PARN: variants seen among roughly 807,000 people sequenced by gnomAD.
The protein encoded by PARN is poly(A)-specific ribonuclease.
A neutral mutation model predicts 102.8 loss-of-function variants in PARN; 71 were observed. The observed-to-expected ratio is 0.69, with a 90% CI of 0.57 to 0.84. The LOEUF (loss-of-function observed/expected upper bound fraction) is 0.84. Ranked by LOEUF, PARN falls within the 40% of genes least tolerant of loss-of-function variation. PARN has a pLI of 0.00. For synonymous variants in PARN, 261 were observed against 252.9 expected, an observed-to-expected ratio of 1.03 and a Z score of -0.30; for missense variants, 782 against 760.9, an observed-to-expected ratio of 1.03 and a Z score of -0.33.
rs138299109 is a variant in PARN, at chr16:14,452,271, G to A, written c.1671-5190C>T. ...CTCTCCATAAACAACTGACTGCTATGCAACAGGGACTCTGCCAGATGTGCT... is the reference window on the plus strand; with the variant it reads ...CTCTCCATAAACAACTGACTGCTATACAACAGGGACTCTGCCAGATGTGCT... On this transcript the variant is annotated intron_variant, in intron 22 of 23. Transcript: ENST00000437198. Among the ~76,000 whole-genome samples the A allele has an allele frequency of 2.5e-3, 385 of 152,324 alleles. 1 individual carries two copies. The highest frequency in any genetic ancestry group is 2.4e-3 in the Non-Finnish European group (166 of 68,030).
intron 21 of PARN, among the ~76,000 whole-genome samples, chr16:14,505,520 T>C (rs1316961438): frequency 6.6e-6 from 1 of 151,964 alleles, no homozygotes; most frequent in Admixed American, 6.6e-5. Context: ...CACAAAACTG[T>C]ACAACAAATT....
In PARN at chr16:14,552,114, A is replaced by G; in HGVS notation, c.1406-19T>C. ...ATGTTACCTGCAATCGCAAATTAAA[A>G]GTAAAGTGAACATTTGACCATGTGG... On this transcript the variant is annotated intron_variant, in intron 20 of 23. Coordinates refer to ENST00000437198, the MANE Select transcript of PARN (RefSeq NM_002582.4). 6.6e-7 allele frequency: 1 copy of G among 1,521,376 alleles called. No individual in the cohort carries two copies. The highest frequency in any genetic ancestry group is 1.1e-5 in the South Asian group (1 of 88,478). The allele number at this position is 1,521,376 out of a possible 1,614,324, so 94.2% of individuals were successfully genotyped here. A position where few individuals can be genotyped will look rare whatever the true frequency, so the allele number is the denominator to read the frequency against.
chr16:14,534,770 A>C (rs1966538556), intron 21 of PARN, among the ~76,000 whole-genome samples: 1 of 152,174 alleles, frequency 6.6e-6, no homozygotes. Context: ...TCACAAGCGG[A>C]AAGGATGAAA....
At chr16:14,588,799 T>C (rs959417263) in intron 13 of PARN, among the ~76,000 whole-genome samples, 3 of 151,944 alleles carry the variant, frequency 2.0e-5, no homozygotes, top group Admixed American at 2.0e-4. Context: ...TGAGAATCAC[T>C]TGAACTTGGG....
chr16:14,598,999 C>G (rs1463702889), intron 12 of PARN, among the ~76,000 whole-genome samples: 1 of 150,770 alleles, frequency 6.6e-6, no homozygotes, highest in Non-Finnish European at 1.5e-5. Context: ...CCTAGTTTAC[C>G]TATGTAAAAT....
chr16:14,619,334 TCACACCTGTAATCC>T (rs1972137098), intron 5 of PARN, among the ~76,000 whole-genome samples: 1 of 152,128 alleles, frequency 6.6e-6, no homozygotes, highest in African/African-American at 2.4e-5. Context: ...ACATGGTGGC[TCACACCTGTAATCC>T]CAGCACTTCC....
Position 14,617,455 on chromosome 16 carries a change from T to A in PARN, c.388+135A>T, listed in dbSNP as rs1431294749. 3 of 626,114 alleles carry A rather than the reference T, an allele frequency of 4.8e-6. No homozygotes were observed. The African/African-American group carries it at 5.5e-5, about 12-fold the overall frequency. 38.8% of individuals were successfully genotyped at this position (626,114 alleles called of 1,614,324 possible). A position where few individuals can be genotyped will look rare whatever the true frequency, so the allele number is the denominator to read the frequency against. On this transcript the variant is annotated intron_variant, in intron 6 of 23. Transcript: ENST00000437198. The stretch of plus-strand genomic sequence containing the variant: ...TCTAAGGCTGCATATGTGTACTGGC[T>A]GCACATGTATGCTGGAACTCTAAGA...
At chr16:14,517,131 AT>A (rs1215928612) in intron 21 of PARN, among the ~76,000 whole-genome samples, 3 of 152,228 alleles carry the variant, frequency 2.0e-5, no homozygotes, top group African/African-American at 7.2e-5. Flanking sequence ...GGCAAAAAAA[AT>A]CCTTCCTTTT....
At chr16:14,449,550 C>T (rs902730771) in intron 22 of PARN, among the ~76,000 whole-genome samples, 7 of 152,164 alleles carry the variant, frequency 4.6e-5, no homozygotes, top group Admixed American at 2.0e-4. Flanking sequence ...CAATAAATAA[C>T]GTGAGCCAAG....
chr16:14,528,933 T>C (rs1475860337), intron 21 of PARN, among the ~76,000 whole-genome samples: 3 of 152,226 alleles, frequency 2.0e-5, no homozygotes, highest in Admixed American at 2.0e-4. Flanking sequence ...TAGGTAGAGA[T>C]CTTTCCCTGC....
Position 14,608,283 on chromosome 16 carries a change from C to T in PARN, c.657G>A (p.Trp219Ter), listed in dbSNP as rs1363931577. ...QRKLIYQTLS[W>*]KYPKGIHVET... is the part of the protein sequence containing the mutation. ...CTGCATACAATATAAATACTTACTTCCAGCTCAAAGTCTGATAAATTAGTT... is the reference window on the plus strand; with the variant it reads ...CTGCATACAATATAAATACTTACTTTCAGCTCAAAGTCTGATAAATTAGTT... The change falls in exon 9 of 24, where the codon TGG becomes TGA. Residue 219 changes from tryptophan to a stop codon, truncating the protein, a stop_gained and splice_region_variant. Transcript: ENST00000437198. LOFTEE classifies it high-confidence loss of function. 1 of 1,535,720 alleles carries T rather than the reference C, an allele frequency of 6.5e-7. No homozygotes were observed. Among genetic ancestry groups the T allele is most frequent in the Non-Finnish European group, 8.8e-7 (1 of 1,134,578 alleles).
intron 22 of PARN, among the ~76,000 whole-genome samples, chr16:14,450,099 C>A (rs991247003): frequency 1.3e-5 from 2 of 152,182 alleles, no homozygotes; most frequent in African/African-American, 4.8e-5. Flanking sequence ...CGCAACAGTA[C>A]ATACAATCAA....
intron 17 of PARN, 37 bp downstream of exon 17, chr16:14,582,144 T>C (rs1197746043): frequency 3.9e-6 from 5 of 1,269,078 alleles, no homozygotes; most frequent in African/African-American, 1.5e-5. Context: ...CCACCCTAGA[T>C]CACTGCGTGT....
At chr16:14,623,947 C>A (rs545297588) in intron 5 of PARN, among the ~76,000 whole-genome samples, 1 of 151,992 alleles carries the variant, frequency 6.6e-6, no homozygotes, top group Non-Finnish European at 1.5e-5. Context: ...AACTACAGAT[C>A]TTCAGCCTGA....
chr16:14,553,255 T>TAA (rs1567377509), intron 20 of PARN, among the ~76,000 whole-genome samples: 11 of 30,740 alleles, frequency 3.6e-4, no homozygotes, highest in African/African-American at 1.1e-3. Context: ...CTATTTCTAT[T>TAA]TAAAAAAAAA....
At chr16:14,442,183 C>T (rs1960970388) in intron 23 of PARN, among the ~76,000 whole-genome samples, 1 of 152,182 alleles carries the variant, frequency 6.6e-6, no homozygotes, top group Non-Finnish European at 1.5e-5. Context: ...CAGGCAGCAT[C>T]AGACCATCCA....
intron 22 of PARN, among the ~76,000 whole-genome samples, chr16:14,463,630 G>C (rs887892860): frequency 6.6e-6 from 1 of 151,990 alleles, no homozygotes. Flanking sequence ...CAATGTCTGA[G>C]ATAAAGACCC....
intron 22 of PARN, among the ~76,000 whole-genome samples, chr16:14,453,961 T>C (rs1961573464): frequency 6.6e-6 from 1 of 152,224 alleles, no homozygotes; most frequent in Non-Finnish European, 1.5e-5. Context: ...GGGTGATATA[T>C]AAAAATACAT....
At position 14,532,801 on chromosome 16, in the gene PARN, CG is replaced by C. The variant is rs1367939678; in HGVS notation, c.1480+19219del. On this transcript the variant is annotated intron_variant, in intron 21 of 23. Transcript: ENST00000437198. ...CTCCTGGACGGGGCGGCTGGCCGGG[CG>C]GGGGGCTGACCCCCCCACCTCCCTC... Among the ~76,000 whole-genome samples, 6 of 147,938 alleles carry C rather than the reference CG, an allele frequency of 4.1e-5. No homozygotes were observed. The East Asian group carries it at 8.0e-4, about 20-fold the overall frequency.
Sources: gnomAD v4.1 joint callset for allele counts (sites outside exome capture counted in the v4.1 genomes callset) on GRCh38, gnomAD v4.1.1 for gene constraint, MANE v1.5 for transcripts, NCBI Gene and HGNC (gene_info 2026-07-23, HGNC 2026-07-21) for gene names.